The following GPR55 variants were observed in gnomAD, a reference collection of about 807,000 sequenced individuals.
GPR55 encodes the protein G-protein coupled receptor 55.
GPR55 carries 6 observed loss-of-function variants against 7.9 expected under a neutral mutation model. The observed-to-expected ratio is 0.76, with a 90% CI of 0.41 to 1.49. The LOEUF (loss-of-function observed/expected upper bound fraction) is 1.49, where lower values mean the gene tolerates loss of function less well. GPR55 is among the 40% of genes most tolerant of loss of function. The pLI is 0.01. For missense variants in GPR55, 376 were observed against 406.0 expected, an observed-to-expected ratio of 0.93 and a Z score of 0.63; for synonymous variants, 183 against 166.8, an observed-to-expected ratio of 1.10 and a Z score of -0.75.
chr2:230,918,271 G>A (rs1690759735), intron 1 of GPR55, among the ~76,000 whole-genome samples: 1 of 152,218 alleles, frequency 6.6e-6, no homozygotes, highest in Non-Finnish European at 1.5e-5. Flanking sequence ...AAGACATTAA[G>A]CTGAGTTAGA....
upstream of GPR55, among the ~76,000 whole-genome samples, chr2:230,925,683 G>A (rs999778793): frequency 1.3e-5 from 2 of 152,186 alleles, no homozygotes; most frequent in Non-Finnish European, 2.9e-5. Flanking sequence ...GCTGCCCACA[G>A]AAAGGAAAGG....
At chr2:230,957,591 C>T (rs1691511382) in intron 1 of GPR55, 1 of 434,930 alleles carries the variant, frequency 2.3e-6, no homozygotes. Flanking sequence ...GGAGTCGTCC[C>T]CGTGGCCGCC....
upstream of GPR55, among the ~76,000 whole-genome samples, chr2:230,925,827 C>T (rs1379369661): frequency 6.6e-6 from 1 of 152,172 alleles, no homozygotes; most frequent in Non-Finnish European, 1.5e-5. Flanking sequence ...CTTCTCTGTC[C>T]CAGGCCTGCA....
intron 1 of GPR55, among the ~76,000 whole-genome samples, chr2:230,933,206 T>TGGCTTCC: frequency 3.2e-5 from 2 of 63,010 alleles, no homozygotes; most frequent in Non-Finnish European, 6.4e-5. Context: ...CCCTCCGCCC[T>TGGCTTCC]CTCTGCCTGG....
chr2:230,915,624 A>G (rs890558528), intron 1 of GPR55, among the ~76,000 whole-genome samples: 1 of 152,212 alleles, frequency 6.6e-6, no homozygotes, highest in African/African-American at 2.4e-5. Flanking sequence ...GCCATGTTTC[A>G]TGCAAAAGCT....
Position 230,943,540 on chromosome 2 carries a change from G to T in GPR55, c.-135+17235C>A, listed in dbSNP as rs74526425. ...AGGCAACAATGCCAGAGTAGGTCAC[G>T]GAGCAAGAGCCTGGAGAGCTAAGAG... On this transcript the variant is annotated intron_variant, in intron 1 of 1. Coordinates refer to the GPR55 transcript ENST00000392039. 8.4e-3 allele frequency among the ~76,000 whole-genome samples: 1,274 copies of T among 152,346 alleles called. 22 individuals carry two copies. The highest frequency in any genetic ancestry group is 0.029 in the African/African-American group (1,194 of 41,582).
At chr2:230,932,719 C>G (rs74976635) in intron 1 of GPR55, among the ~76,000 whole-genome samples, 1 of 152,172 alleles carries the variant, frequency 6.6e-6, no homozygotes, top group East Asian at 1.9e-4. Context: ...GGCCGTCATC[C>G]TAAACCAGGC....
intron 1 of GPR55, among the ~76,000 whole-genome samples, chr2:230,938,493 A>C (rs2125064800): frequency 6.6e-6 from 1 of 152,176 alleles, no homozygotes; most frequent in Non-Finnish European, 1.5e-5. Context: ...TTTAACAAAT[A>C]TTTTATATTG....
chr2:230,941,919 G>A (rs1691239557), intron 1 of GPR55, among the ~76,000 whole-genome samples: 1 of 152,196 alleles, frequency 6.6e-6, no homozygotes, highest in Non-Finnish European at 1.5e-5. Flanking sequence ...TATTTGATGA[G>A]TTATTGACTG....
chr2:230,937,854 A>G (rs1691157508), intron 1 of GPR55, among the ~76,000 whole-genome samples: 1 of 152,128 alleles, frequency 6.6e-6, no homozygotes, highest in Non-Finnish European at 1.5e-5. Context: ...TCAGTAGAAC[A>G]AGATATTTAA....
At chr2:230,952,942 C>T (rs1315161478) in intron 1 of GPR55, among the ~76,000 whole-genome samples, 1 of 152,208 alleles carries the variant, frequency 6.6e-6, no homozygotes, top group African/African-American at 2.4e-5. Flanking sequence ...CAAGGTGTTT[C>T]CCCAGCTATG....
intron 1 of GPR55, among the ~76,000 whole-genome samples, chr2:230,913,063 A>G (rs1385107218): frequency 2.0e-5 from 3 of 152,138 alleles, no homozygotes; most frequent in Admixed American, 6.5e-5. Context: ...TCGCTCATCA[A>G]TGTTTCTTGG....
chr2:230,957,141 T>G (rs1177281652), intron 1 of GPR55, among the ~76,000 whole-genome samples: 1 of 152,224 alleles, frequency 6.6e-6, no homozygotes, highest in Non-Finnish European at 1.5e-5. Flanking sequence ...TTTTCTTTCT[T>G]TACAATTTCA....
chr2:230,948,423 CA>C (rs1691351666), intron 1 of GPR55, among the ~76,000 whole-genome samples: 1 of 152,028 alleles, frequency 6.6e-6, no homozygotes, highest in South Asian at 2.1e-4. Context: ...TCACTAATTG[CA>C]AAATAATAAT....
intron 1 of GPR55, among the ~76,000 whole-genome samples, chr2:230,933,938 A>G (rs1691093695): frequency 6.6e-6 from 1 of 152,152 alleles, no homozygotes; most frequent in Non-Finnish European, 1.5e-5. Context: ...TCAGTTTCTG[A>G]GGCCACATCT....
chr2:230,939,881 G>A (rs990367077), intron 1 of GPR55, among the ~76,000 whole-genome samples: 2 of 151,980 alleles, frequency 1.3e-5, no homozygotes, highest in African/African-American at 2.4e-5. Flanking sequence ...AGGCTGCAGC[G>A]GGGAGAGACA....
At chr2:230,952,267 CCTT>C (rs55909548) in intron 1 of GPR55, among the ~76,000 whole-genome samples, 54,797 of 151,886 alleles carry the variant, frequency 0.36, 10,419 homozygotes, top group African/African-American at 0.48. Context: ...TTGGAATGCT[CCTT>C]CTATGCTAAA....
chr2:230,937,795 C>G (rs1574631043), intron 1 of GPR55, among the ~76,000 whole-genome samples: 1 of 151,996 alleles, frequency 6.6e-6, no homozygotes, highest in South Asian at 2.1e-4. Flanking sequence ...CTGCAAACTA[C>G]AAAACACAGA....
At chr2:230,927,426 A>G (rs1293074489), upstream of GPR55, among the ~76,000 whole-genome samples, 1 of 152,240 alleles carries the variant, frequency 6.6e-6, no homozygotes, top group African/African-American at 2.4e-5. Context: ...GGACTCGCCC[A>G]AGGCCCCGTC....
Sources: allele counts gnomAD v4.1 joint callset (sites outside exome capture counted in the v4.1 genomes callset), GRCh38; gene constraint gnomAD v4.1.1; transcripts MANE v1.5; gene names NCBI Gene and HGNC (gene_info 2026-07-23, HGNC 2026-07-21).